Variants in GEMIN5 observed in about 807,000 individuals in gnomAD.
GEMIN5 encodes the protein gem nuclear organelle associated protein 5.
A neutral mutation model predicts 176.9 loss-of-function variants in GEMIN5; 124 were observed. The observed-to-expected ratio is 0.70, with a 90% CI of 0.61 to 0.81. GEMIN5 has a LOEUF of 0.81. Ranked by LOEUF, GEMIN5 falls within the 40% of genes least tolerant of loss-of-function variation. The pLI is 0.00. For synonymous variants in GEMIN5, 673 were observed against 665.2 expected (o/e 1.01, Z -0.18); for missense variants, 1,843 against 1,814.6 (o/e 1.02, Z -0.28).
rs758339784 is a variant in GEMIN5, at chr5:154,938,101, G to T, written c.33C>A (p.Ser11=). 5 of 1,437,836 alleles carry T rather than the reference G, an allele frequency of 3.5e-6. No homozygotes were observed. The South Asian group carries it at 7.4e-5, about 21-fold the overall frequency. 89.1% of individuals were successfully genotyped at this position (1,437,836 alleles called of 1,614,324 possible). MGQEPRTLPP[S]PNWYCARCSD... ...TGCAGCGGGCGCAGTACCAGTTGGGGGAGGGCGGCAGCGTCCGCGGCTCCT... is the reference window on the plus strand; with the variant it reads ...TGCAGCGGGCGCAGTACCAGTTGGGTGAGGGCGGCAGCGTCCGCGGCTCCT... Residue 11 remains serine (S), a synonymous_variant, in exon 1 of 28, where the codon TCC becomes TCA. Transcript: ENST00000285873.
chr5:154,929,003 C>A (rs551729471), intron 5 of GEMIN5, among the ~76,000 whole-genome samples: 2 of 151,670 alleles, frequency 1.3e-5, no homozygotes, highest in East Asian at 3.9e-4. Flanking sequence ...GCGGGAGGAT[C>A]ACGAGGTCAG....
chr5:154,935,397 A>G (rs1423767177), intron 3 of GEMIN5, among the ~76,000 whole-genome samples: 1 of 152,206 alleles, frequency 6.6e-6, no homozygotes, highest in Non-Finnish European at 1.5e-5. Context: ...GGGGATGTAT[A>G]TTCAGGCAGC....
At chr5:154,927,160 C>T (rs1365091011) in intron 7 of GEMIN5, among the ~76,000 whole-genome samples, 2 of 152,134 alleles carry the variant, frequency 1.3e-5, no homozygotes, top group Admixed American at 1.3e-4. Flanking sequence ...CAAAACTACC[C>T]TTCTTTATTA....
intron 9 of GEMIN5, among the ~76,000 whole-genome samples, chr5:154,923,336 T>C (rs1440069891): frequency 6.6e-6 from 1 of 151,754 alleles, no homozygotes; most frequent in Non-Finnish European, 1.5e-5. Flanking sequence ...GCTGAGATCG[T>C]ACCACTGCAC....
At chr5:154,892,883 G>C (rs1351379953) in intron 24 of GEMIN5, among the ~76,000 whole-genome samples, 1 of 152,108 alleles carries the variant, frequency 6.6e-6, no homozygotes, top group African/African-American at 2.4e-5. Flanking sequence ...CAGATCACAA[G>C]GTCAGGAGTT....
At chr5:154,904,690 T>C (rs1763534804) in intron 17 of GEMIN5, 61 bp from the exon 18 acceptor site, 1 of 1,352,870 alleles carries the variant, frequency 7.4e-7, no homozygotes. Context: ...TAAAACGGAA[T>C]GCCTATTGTG....
intron 24 of GEMIN5, among the ~76,000 whole-genome samples, chr5:154,893,383 C>T (rs932562448): frequency 1.3e-5 from 2 of 150,108 alleles, no homozygotes; most frequent in African/African-American, 4.9e-5. Context: ...TAAGCCACTA[C>T]ACCCGAGCCT....
intron 2 of GEMIN5, 127 bp downstream of exon 2, chr5:154,936,898 C>T: frequency 1.4e-6 from 1 of 725,032 alleles, no homozygotes; most frequent in Non-Finnish European, 2.3e-6. Flanking sequence ...AATATAGTTT[C>T]TTATCTAATT....
chr5:154,934,233 C>G (rs918950874), intron 3 of GEMIN5, among the ~76,000 whole-genome samples: 21 of 152,122 alleles, frequency 1.4e-4, no homozygotes, highest in African/African-American at 4.8e-4. Context: ...GTTGCCCAGG[C>G]TGGGGTGCAA....
intron 20 of GEMIN5, among the ~76,000 whole-genome samples, chr5:154,901,795 TCCC>T (rs1561713187): frequency 2.7e-5 from 4 of 149,438 alleles, no homozygotes; most frequent in Non-Finnish European, 4.5e-5. Flanking sequence ...TTTTTTTTTT[TCCC>T]TTTCCTTTTA....
chr5:154,917,893 G>C lies in GEMIN5; in HGVS notation c.1673+38C>G, dbSNP rs757240892. The C allele has an allele frequency of 2.3e-6, 3 of 1,307,254 alleles. No individual in the cohort carries two copies. In the East Asian group the frequency reaches 6.9e-5, roughly 30 times the overall value. The allele number at this position is 1,307,254 out of a possible 1,614,324, so 81.0% of individuals were successfully genotyped here. On this transcript the variant is annotated intron_variant, in intron 12 of 27. Coordinates refer to ENST00000285873, the MANE Select transcript of GEMIN5 (RefSeq NM_015465.5). ...TCAGCTTGTGATCAAATATATGTGC[G>C]ATTGCAAATTTTTTATCTTAAAGAA... is the stretch of plus-strand genomic sequence containing the variant.
Position 154,913,078 on chromosome 5 carries a change from A to G in GEMIN5, c.1856-40T>C, listed in dbSNP as rs771602468. ...AAAGACATCACTGCTGCTACTACTA[A>G]TAACAAAAAACAAAACAAAGTACAT... On this transcript the variant is annotated intron_variant, in intron 13 of 27. Transcript: ENST00000285873. The G allele has an allele frequency of 4.5e-6, 7 of 1,543,128 alleles. No individual in the cohort carries two copies. In the Middle Eastern group the frequency reaches 6.9e-4, roughly 152 times the overall value.
intron 3 of GEMIN5, among the ~76,000 whole-genome samples, chr5:154,934,807 T>C (rs985229388): frequency 6.6e-6 from 1 of 152,230 alleles, no homozygotes; most frequent in Admixed American, 6.5e-5. Flanking sequence ...TAATTTTCCT[T>C]AGTACATTCG....
At chr5:154,915,362 T>G (rs1380070086) in intron 13 of GEMIN5, among the ~76,000 whole-genome samples, 2 of 152,322 alleles carry the variant, frequency 1.3e-5, no homozygotes, top group East Asian at 3.9e-4. Context: ...CAATTTAGTG[T>G]CAGATTATAA....
chr5:154,891,179 AC>A, intron 26 of GEMIN5, 61 bp downstream of exon 26: 1 of 1,488,278 alleles, frequency 6.7e-7, no homozygotes, highest in Middle Eastern at 2.1e-4. Flanking sequence ...ATAGGCATGA[AC>A]CACTGTTCCT....
chr5:154,898,353 G>T, intron 23 of GEMIN5, 87 bp downstream of exon 23: 2 of 1,197,688 alleles, frequency 1.7e-6, no homozygotes, highest in Non-Finnish European at 1.2e-6. Flanking sequence ...CACAGCTTGT[G>T]CAACTGGGTT....
intron 24 of GEMIN5, among the ~76,000 whole-genome samples, chr5:154,893,179 G>A (rs1763273723): frequency 6.7e-6 from 1 of 150,346 alleles, no homozygotes; most frequent in Non-Finnish European, 1.5e-5. Flanking sequence ...AAGGCTGGGT[G>A]CAGTTGCTCA....
chr5:154,922,734 T>C (rs895341459), intron 9 of GEMIN5, among the ~76,000 whole-genome samples: 1 of 150,818 alleles, frequency 6.6e-6, no homozygotes, highest in Non-Finnish European at 1.5e-5. Context: ...TCTTGCTCTG[T>C]TGCCCAGGCT....
chr5:154,891,868 GA>G, intron 25 of GEMIN5, 126 bp from the exon 26 acceptor site: 1 of 895,774 alleles, frequency 1.1e-6, no homozygotes, highest in Non-Finnish European at 1.7e-6. Flanking sequence ...ACAACAGTGT[GA>G]TCCACCGGGC....
Sources: gnomAD v4.1 joint callset for allele counts (sites outside exome capture counted in the v4.1 genomes callset) on GRCh38, gnomAD v4.1.1 for gene constraint, MANE v1.5 for transcripts, NCBI Gene and HGNC (gene_info 2026-07-23, HGNC 2026-07-21) for gene names.